GMPS: variants seen among roughly 807,000 people sequenced by gnomAD.
GMPS encodes the protein guanosine monophosphate synthase.
A neutral mutation model predicts 77.9 loss-of-function variants in GMPS; 15 were observed. The ratio of observed to expected loss-of-function variants is 0.19; its 90% CI spans 0.13 to 0.30. The LOEUF (loss-of-function observed/expected upper bound fraction) is 0.30, where lower values mean the gene tolerates loss of function less well. Ranked by LOEUF, GMPS falls within the 10% of genes least tolerant of loss-of-function variation. The pLI, the probability that GMPS is intolerant of heterozygous loss-of-function variation, is 1.00. For missense variants in GMPS, 590 were observed against 838.8 expected, an observed-to-expected ratio of 0.70 and a Z score of 3.66; for synonymous variants, 224 against 275.9, an observed-to-expected ratio of 0.81 and a Z score of 1.86.
In GMPS at chr3:155,934,146, C is replaced by T. The variant is rs112045641; in HGVS notation, c.1677-770C>T. On this transcript the variant is annotated intron_variant, in intron 13 of 15. Coordinates refer to ENST00000496455, the MANE Select transcript of GMPS (RefSeq NM_003875.3). Reference sequence around the variant, plus strand: ...CACTGTAGTTTCCTCTTGGAGATTTCCAGTGCATGTTAGCATAGTATATTA... The same window carrying T: ...CACTGTAGTTTCCTCTTGGAGATTTTCAGTGCATGTTAGCATAGTATATTA... Among the ~76,000 whole-genome samples the T allele has an allele frequency of 2.7e-3, 408 of 152,300 alleles. 1 individual carries two copies. The highest frequency in any genetic ancestry group is 4.8e-3 in the Non-Finnish European group (325 of 68,016).
chr3:155,918,533 C>CTAA (rs1301032773), intron 9 of GMPS, among the ~76,000 whole-genome samples: 3 of 152,222 alleles, frequency 2.0e-5, no homozygotes, highest in African/African-American at 7.2e-5. Context: ...TCCCTAATAG[C>CTAA]TAATGATGTT....
At chr3:155,896,014 TG>T in intron 2 of GMPS, among the ~76,000 whole-genome samples, 1 of 151,684 alleles carries the variant, frequency 6.6e-6, no homozygotes, top group East Asian at 1.9e-4. Flanking sequence ...TTTTTGTTTT[TG>T]TTTTTTTTTT....
intron 12 of GMPS, among the ~76,000 whole-genome samples, chr3:155,926,648 T>G (rs143589792): frequency 6.6e-5 from 10 of 152,318 alleles, no homozygotes; most frequent in African/African-American, 2.2e-4. Flanking sequence ...TAATAAGCAT[T>G]TTTTCTAAAT....
At chr3:155,935,912 TAAATC>T (rs1360358123) in intron 14 of GMPS, among the ~76,000 whole-genome samples, 1 of 152,184 alleles carries the variant, frequency 6.6e-6, no homozygotes, top group African/African-American at 2.4e-5. Context: ...TACAGTGTCT[TAAATC>T]AGAAACACAT....
At chr3:155,901,419 T>C (rs1754734532) in intron 3 of GMPS, among the ~76,000 whole-genome samples, 1 of 152,176 alleles carries the variant, frequency 6.6e-6, no homozygotes, top group Non-Finnish European at 1.5e-5. Flanking sequence ...TAATGTTGGC[T>C]TTCTAGTTTC....
intron 1 of GMPS, among the ~76,000 whole-genome samples, chr3:155,873,635 G>GTCCTTTTTTTTTTT (rs1753954313): frequency 3.1e-5 from 1 of 32,712 alleles, no homozygotes; most frequent in Non-Finnish European, 6.5e-5. Flanking sequence ...ACATGAGTAA[G>GTCCTTTTTTTTTTT]TTCTTTTTTT....
At chr3:155,934,330 T>C (rs1755706485) in intron 13 of GMPS, among the ~76,000 whole-genome samples, 1 of 152,188 alleles carries the variant, frequency 6.6e-6, no homozygotes, top group African/African-American at 2.4e-5. Context: ...CTGAATTCAG[T>C]GTTGGCAGGG....
chr3:155,877,250 CAGT>C (rs1328451469), intron 1 of GMPS, among the ~76,000 whole-genome samples: 11 of 152,126 alleles, frequency 7.2e-5, no homozygotes, highest in Admixed American at 7.2e-4. Context: ...TTATTGGTAG[CAGT>C]AGAACTTCAT....
chr3:155,912,502 G>T (rs1755068358), intron 7 of GMPS, among the ~76,000 whole-genome samples: 1 of 152,184 alleles, frequency 6.6e-6, no homozygotes, highest in Admixed American at 6.5e-5. Flanking sequence ...CTTGTTTTCT[G>T]TTAGGTGGTG....
Position 155,922,277 on chromosome 3 carries a change from C to T in GMPS, c.1409C>T (p.Ala470Val), listed in dbSNP as rs1755337592. The T allele has an allele frequency of 1.4e-6, 2 of 1,481,150 alleles. No homozygotes were observed. Among genetic ancestry groups the T allele is most frequent in the Non-Finnish European group, 1.8e-6 (2 of 1,086,208 alleles). 91.8% of individuals were successfully genotyped at this position (1,481,150 alleles called of 1,614,324 possible). ...PETNNILKIV[A>V]DFSASVKKPH... Reference sequence around the variant, plus strand: ...ACCAACAATATTTTGAAAATAGTAGCTGATTTTTCTGCAAGTGTTAAAAAG... The same window carrying T: ...ACCAACAATATTTTGAAAATAGTAGTTGATTTTTCTGCAAGTGTTAAAAAG... Residue 470 changes from alanine (A) to valine (V), a missense_variant, in exon 11 of 16, where the codon GCT becomes GTT. This residue lies in a region of GMPS where 64 missense variants were observed against 114.5 expected (regional missense o/e 0.56). Coordinates refer to ENST00000496455, the MANE Select transcript of GMPS (RefSeq NM_003875.3).
chr3:155,929,482 C>A (rs1410953768), intron 12 of GMPS, among the ~76,000 whole-genome samples: 3 of 148,962 alleles, frequency 2.0e-5, no homozygotes, highest in Non-Finnish European at 4.5e-5. Flanking sequence ...CTCACCACTC[C>A]TATTCAACAT....
At chr3:155,936,976 G>A (rs1484977156) in intron 15 of GMPS, among the ~76,000 whole-genome samples, 6 of 152,196 alleles carry the variant, frequency 3.9e-5, no homozygotes, top group Non-Finnish European at 5.9e-5. Context: ...ATAATAGCAA[G>A]TGAAAATCAA....
chr3:155,903,292 C>T (rs1754776346), intron 3 of GMPS, among the ~76,000 whole-genome samples: 1 of 152,084 alleles, frequency 6.6e-6, no homozygotes, highest in South Asian at 2.1e-4. Flanking sequence ...TTGAAGAGAC[C>T]ATTTGAAATC....
rs1755800014 is a variant in GMPS at position 155,937,923 on chromosome 3, A to G, written c.*231A>G. On this transcript the variant is annotated 3_prime_UTR_variant, in exon 16 of 16. Transcript: ENST00000496455. ...CCATTGCCTACACTCAGACAGATTG[A>G]TACTGCTTTTGCCTTTGCCTCACTT... 2.4e-6 allele frequency: 1 copy of G among 424,652 alleles called. No homozygotes were observed. The highest frequency in any genetic ancestry group is 4.2e-6 in the Non-Finnish European group (1 of 239,706). The allele number at this position is 424,652 out of a possible 1,614,324, so 26.3% of individuals were successfully genotyped here.
intron 1 of GMPS, among the ~76,000 whole-genome samples, chr3:155,872,716 TA>T (rs1303441212): frequency 6.6e-6 from 1 of 152,220 alleles, no homozygotes; most frequent in African/African-American, 2.4e-5. Flanking sequence ...TAGGGTGAAT[TA>T]ATTTTATTTC....
At chr3:155,910,278 A>G (rs1755003500) in intron 5 of GMPS, among the ~76,000 whole-genome samples, 1 of 151,178 alleles carries the variant, frequency 6.6e-6, no homozygotes, top group African/African-American at 2.4e-5. Context: ...CAAACAAACA[A>G]ATAAAATTGG....
chr3:155,931,768 G>T lies in GMPS; in HGVS notation c.1564G>T (p.Asp522Tyr). Reference sequence around the variant, plus strand: ...TTGATTATCTTTTTATTTTCAGGGTGACTGTCGTTCCTACAGTTACGTGTG... The same window carrying T: ...TTGATTATCTTTTTATTTTCAGGGTTACTGTCGTTCCTACAGTTACGTGTG... ...LPIKTVGVQGDCRSYSYVCGI... is the reference protein window; with the variant it reads ...LPIKTVGVQGYCRSYSYVCGI... The change falls in exon 13 of 16, where the codon GAC becomes TAC. Residue 522 changes from aspartate to tyrosine, a missense_variant. Physicochemically the swap from Asp to Tyr is radical, Grantham distance 160. Coordinates refer to ENST00000496455, the MANE Select transcript of GMPS (RefSeq NM_003875.3). The T allele has an allele frequency of 1.5e-6, 2 of 1,335,890 alleles. No individual in the cohort carries two copies. The highest frequency in any genetic ancestry group is 2.1e-6 in the Non-Finnish European group (2 of 931,032). 82.8% of individuals were successfully genotyped at this position (1,335,890 alleles called of 1,614,324 possible).
intron 2 of GMPS, among the ~76,000 whole-genome samples, chr3:155,897,534 G>T (rs895547014): frequency 2.6e-5 from 4 of 152,146 alleles, no homozygotes; most frequent in African/African-American, 9.7e-5. Context: ...TTCAGTTGTT[G>T]TTCTTTGACC....
upstream of GMPS, chr3:155,870,547 G>T: frequency 3.5e-6 from 1 of 283,020 alleles, no homozygotes; most frequent in Non-Finnish European, 6.6e-6. Context: ...AGGGCCGGCC[G>T]GTTTGGCGGC....
Sources: allele counts gnomAD v4.1 joint callset (sites outside exome capture counted in the v4.1 genomes callset), GRCh38; gene constraint gnomAD v4.1.1; regional missense constraint gnomAD v4.1.1; transcripts MANE v1.5; gene names NCBI Gene and HGNC (gene_info 2026-07-23, HGNC 2026-07-21).